Variants in RBMS3 observed in about 807,000 individuals in gnomAD.
The protein encoded by RBMS3 is RNA-binding motif, single-stranded-interacting protein 3.
RBMS3 carries 27 observed loss-of-function variants against 66.8 expected under a neutral mutation model. The observed-to-expected ratio is 0.40, with a 90% CI of 0.30 to 0.56. The LOEUF (loss-of-function observed/expected upper bound fraction) is 0.56, where lower values mean the gene tolerates loss of function less well. Ranked by LOEUF, RBMS3 falls within the 20% of genes least tolerant of loss-of-function variation. RBMS3 has a pLI of 0.40. For missense variants in RBMS3, 513 were observed against 549.5 expected (o/e 0.93, Z 0.66); for synonymous variants, 188 against 183.0 (o/e 1.03, Z -0.22).
In RBMS3 at chr3:29,880,898, G is replaced by A. The variant is rs750198444; in HGVS notation, c.745-3264G>A. ...ATTCTCTCCACCTCCCTCTCCCAAG[G>A]TACCTACTCTAGTTACTCATTCCTC... is the stretch of plus-strand genomic sequence containing the variant. On this transcript the variant is annotated intron_variant, in intron 7 of 14. Coordinates refer to ENST00000383767, the MANE Select transcript of RBMS3 (RefSeq NM_001003793.3). 8 of 1,383,352 alleles carry A rather than the reference G, an allele frequency of 5.8e-6. No individual in the cohort carries two copies. The East Asian group carries it at 1.7e-4, about 30-fold the overall frequency. The allele number at this position is 1,383,352 out of a possible 1,614,324, so 85.7% of individuals were successfully genotyped here.
chr3:29,557,058 G>A (rs947505277), intron 3 of RBMS3, among the ~76,000 whole-genome samples: 5 of 152,172 alleles, frequency 3.3e-5, no homozygotes, highest in Admixed American at 2.0e-4. Context: ...GTCACTCAAA[G>A]TAGGTTTTCC....
chr3:29,635,777 G>C (rs1395102926), intron 4 of RBMS3, among the ~76,000 whole-genome samples: 2 of 151,806 alleles, frequency 1.3e-5, no homozygotes, highest in Non-Finnish European at 2.9e-5. Context: ...AGTAGCTTTT[G>C]AAGTATAATA....
intron 4 of RBMS3, among the ~76,000 whole-genome samples, chr3:29,721,530 A>G (rs1462444205): frequency 6.6e-6 from 1 of 152,172 alleles, no homozygotes; most frequent in African/African-American, 2.4e-5. Context: ...CAGTTGTTAC[A>G]AAGAAAAATG....
chr3:29,775,767 GATA>G (rs1162162333), intron 6 of RBMS3, among the ~76,000 whole-genome samples: 2 of 151,886 alleles, frequency 1.3e-5, no homozygotes, highest in South Asian at 2.1e-4. Flanking sequence ...TAATAAAAAT[GATA>G]ATAATATATT....
chr3:29,996,791 AC>A (rs774012729), intron 14 of RBMS3, among the ~76,000 whole-genome samples: 49 of 152,202 alleles, frequency 3.2e-4, no homozygotes, highest in Non-Finnish European at 5.3e-4. Flanking sequence ...AATTTATAGC[AC>A]TAAATGCCCA....
At chr3:29,636,054 G>A (rs2049461757) in intron 4 of RBMS3, among the ~76,000 whole-genome samples, 1 of 151,662 alleles carries the variant, frequency 6.6e-6, no homozygotes, top group African/African-American at 2.4e-5. Context: ...GTGTGTGTGT[G>A]TGTGTGTGTG....
intron 1 of RBMS3, among the ~76,000 whole-genome samples, chr3:29,377,786 C>T (rs1015786649): frequency 6.6e-6 from 1 of 152,134 alleles, no homozygotes; most frequent in Non-Finnish European, 1.5e-5. Context: ...GATATATGAC[C>T]CCCAATACTG....
intron 3 of RBMS3, among the ~76,000 whole-genome samples, chr3:29,556,109 AT>A (rs1180769667): frequency 1.5e-5 from 2 of 136,822 alleles, no homozygotes; most frequent in Non-Finnish European, 3.1e-5. Flanking sequence ...TAAGTGGTCT[AT>A]CAGCCACAAT....
chr3:29,520,311 A>G (rs1424489484), intron 3 of RBMS3, among the ~76,000 whole-genome samples: 1 of 152,218 alleles, frequency 6.6e-6, no homozygotes, highest in Non-Finnish European at 1.5e-5. Flanking sequence ...AATATTTTTT[A>G]TAGCTAGGGT....
intron 6 of RBMS3, among the ~76,000 whole-genome samples, chr3:29,827,880 CTG>C (rs1264936504): frequency 6.6e-6 from 1 of 152,136 alleles, no homozygotes; most frequent in Non-Finnish European, 1.5e-5. Flanking sequence ...GATTGTGTCT[CTG>C]TTAAATTTGT....
intron 5 of RBMS3, 85 bp from the exon 6 acceptor site, chr3:29,762,825 C>A: frequency 1.1e-6 from 1 of 941,720 alleles, no homozygotes; most frequent in Non-Finnish European, 1.6e-6. Flanking sequence ...TCAAGTATTT[C>A]TATGGCTTTC....
At chr3:29,620,954 T>C (rs2048845333) in intron 4 of RBMS3, among the ~76,000 whole-genome samples, 1 of 152,192 alleles carries the variant, frequency 6.6e-6, no homozygotes, top group Non-Finnish European at 1.5e-5. Context: ...ATTATTTTAA[T>C]ATCTGAACAT....
chr3:29,952,664 A>G (rs1311424531), intron 12 of RBMS3, among the ~76,000 whole-genome samples: 1 of 151,966 alleles, frequency 6.6e-6, no homozygotes, highest in Non-Finnish European at 1.5e-5. Flanking sequence ...TACTTACCCA[A>G]TCAAGCTGAT....
chr3:29,324,712 C>A (rs533753085), intron 1 of RBMS3, among the ~76,000 whole-genome samples: 1 of 151,762 alleles, frequency 6.6e-6, no homozygotes, highest in Admixed American at 6.6e-5. Flanking sequence ...TCCTAATATC[C>A]TAAAGAAGAC....
chr3:29,875,559 G>GA (rs11423411), intron 7 of RBMS3, among the ~76,000 whole-genome samples: 3,208 of 146,590 alleles, frequency 0.022, 115 homozygotes, highest in African/African-American at 0.073. Context: ...ATTAAAATGT[G>GA]AAAAAAAAAA....
chr3:29,489,202 G>T (rs2148914758), intron 3 of RBMS3, among the ~76,000 whole-genome samples: 2 of 152,124 alleles, frequency 1.3e-5, no homozygotes, highest in Middle Eastern at 6.8e-3. Context: ...TCTAATCTTT[G>T]TTGTAACACT....
chr3:29,320,869 C>G (rs2034966894), intron 1 of RBMS3, among the ~76,000 whole-genome samples: 1 of 151,464 alleles, frequency 6.6e-6, no homozygotes, highest in African/African-American at 2.4e-5. Context: ...AAAGAATAAA[C>G]TTTGAAGTCA....
At chr3:29,705,946 C>T (rs1475252108) in intron 4 of RBMS3, among the ~76,000 whole-genome samples, 1 of 152,106 alleles carries the variant, frequency 6.6e-6, no homozygotes, top group Non-Finnish European at 1.5e-5. Flanking sequence ...TGAGTTTTCC[C>T]TTATTATTCA....
chr3:29,746,907 G>A lies in RBMS3; in HGVS notation c.557+7030G>A, dbSNP rs115862451. Reference sequence around the variant, plus strand: ...CGAAATAATGCCCTCTGTGAAATGCGGAGAGAGTTCTGAAAAATTATTTAC... The same window carrying A: ...CGAAATAATGCCCTCTGTGAAATGCAGAGAGAGTTCTGAAAAATTATTTAC... On this transcript the variant is annotated intron_variant, in intron 5 of 14. Coordinates refer to ENST00000383767, the MANE Select transcript of RBMS3 (RefSeq NM_001003793.3). Among the ~76,000 whole-genome samples the A allele has an allele frequency of 2.0e-3, 302 of 152,224 alleles. 1 individual carries two copies. Among genetic ancestry groups the A allele is most frequent in the African/African-American group, 6.6e-3 (276 of 41,552 alleles).
Sources: allele counts gnomAD v4.1 joint callset (sites outside exome capture counted in the v4.1 genomes callset), GRCh38; gene constraint gnomAD v4.1.1; transcripts MANE v1.5; gene names NCBI Gene and HGNC (gene_info 2026-07-23, HGNC 2026-07-21).